The following LANCL3 variants were observed in gnomAD, a reference collection of about 807,000 sequenced individuals.
LANCL3 encodes the protein lanC-like protein 3.
LANCL3 carries 19 observed loss-of-function variants against 26.5 expected under a neutral mutation model. The observed-to-expected ratio is 0.72, with a 90% CI of 0.50 to 1.05. The LOEUF (loss-of-function observed/expected upper bound fraction) is 1.05, where lower values mean the gene tolerates loss of function less well. Among genes scored for constraint, LANCL3 ranks in the 50% least tolerant of loss-of-function variants. The pLI, the probability that LANCL3 is intolerant of heterozygous loss-of-function variation, is 0.00. For synonymous variants in LANCL3, 160 were observed against 166.6 expected (o/e 0.96, Z 0.30); for missense variants, 318 against 362.7 (o/e 0.88, Z 1.00).
chrX:37,627,684 G>A (rs1378103034), intron 1 of LANCL3, among the ~76,000 whole-genome samples: 1 of 111,791 alleles, frequency 8.9e-6, no homozygotes, highest in Non-Finnish European at 1.9e-5. Context: ...TACTCAGTGA[G>A]AGAGTGCTAG....
intron 1 of LANCL3, among the ~76,000 whole-genome samples, chrX:37,651,535 T>C (rs782408361): frequency 9.0e-6 from 1 of 111,651 alleles, no homozygotes; most frequent in African/African-American, 3.3e-5. Flanking sequence ...ACTCACATTC[T>C]TTTTATTTGT....
intron 1 of LANCL3, among the ~76,000 whole-genome samples, chrX:37,582,767 G>A (rs1299061103): frequency 8.9e-6 from 1 of 111,881 alleles, no homozygotes; most frequent in South Asian, 3.7e-4. Context: ...TCTGTAGGTT[G>A]CCTGTTCACT....
At chrX:37,661,999 C>T (rs1402491435) in intron 3 of LANCL3, among the ~76,000 whole-genome samples, 1 of 112,090 alleles carries the variant, frequency 8.9e-6, no homozygotes, top group East Asian at 2.8e-4. Context: ...GAAAGGGTGA[C>T]TTTGTTTCTT....
At chrX:37,672,149 G>A (rs1187507613) in intron 4 of LANCL3, among the ~76,000 whole-genome samples, 1 of 111,448 alleles carries the variant, frequency 9.0e-6, no homozygotes, top group East Asian at 2.8e-4. Flanking sequence ...TGGGATTCAA[G>A]TTTAATTTTG....
intron 1 of LANCL3, among the ~76,000 whole-genome samples, chrX:37,596,362 A>T (rs782368017): frequency 8.9e-6 from 1 of 112,009 alleles, no homozygotes; most frequent in African/African-American, 3.2e-5. Context: ...GTTCTACTAA[A>T]ATTGTTGTGT....
chrX:37,636,052 A>G (rs1373244702), intron 1 of LANCL3, among the ~76,000 whole-genome samples: 1 of 108,660 alleles, frequency 9.2e-6, no homozygotes, highest in African/African-American at 3.4e-5. Context: ...AAGTGAGAAT[A>G]TGCAGTATTT....
chrX:37,595,601 T>G, intron 1 of LANCL3, among the ~76,000 whole-genome samples: 1 of 112,396 alleles, frequency 8.9e-6, no homozygotes, highest in Non-Finnish European at 1.9e-5. Context: ...ACTTACGCGT[T>G]TCTGTGCTGA....
chrX:37,625,096 C>T (rs868955787), intron 1 of LANCL3, among the ~76,000 whole-genome samples: 8 of 111,481 alleles, frequency 7.2e-5, no homozygotes, highest in Middle Eastern at 4.2e-3. Flanking sequence ...TTGACTATGG[C>T]AGCTACCATG....
At chrX:37,655,310 C>A (rs1484906610) in intron 1 of LANCL3, among the ~76,000 whole-genome samples, 10 of 111,959 alleles carry the variant, frequency 8.9e-5, no homozygotes, top group African/African-American at 3.2e-4. Flanking sequence ...CTACACTGTA[C>A]ACCAGGAGTA....
At position 37,676,142 on chromosome X, in the gene LANCL3, A is replaced by T. The variant is rs782744382; in HGVS notation, c.*329A>T. 3.1e-4 allele frequency: 42 copies of T among 135,449 alleles called. No homozygotes were observed. Among genetic ancestry groups the T allele is most frequent in the African/African-American group, 1.3e-3 (40 of 31,956 alleles). 11.2% of individuals were successfully genotyped at this position (135,449 alleles called of 1,213,427 possible). On this transcript the variant is annotated 3_prime_UTR_variant, in exon 5 of 5. Transcript: ENST00000378619. Reference sequence around the variant, plus strand: ...ACTGCAAGTGTAGACTATGACAAAAAATACACTAATACCTTTGCAATCTGA... The same window carrying T: ...ACTGCAAGTGTAGACTATGACAAAATATACACTAATACCTTTGCAATCTGA...
At chrX:37,627,214 C>T (rs1329711754) in intron 1 of LANCL3, among the ~76,000 whole-genome samples, 1 of 112,386 alleles carries the variant, frequency 8.9e-6, no homozygotes, top group Non-Finnish European at 1.9e-5. Context: ...TGGAGTTTCT[C>T]TTTATTTCTG....
chrX:37,616,828 T>A (rs1370055171), intron 1 of LANCL3, among the ~76,000 whole-genome samples: 2 of 111,727 alleles, frequency 1.8e-5, no homozygotes, highest in African/African-American at 6.5e-5. Context: ...ATCAGTATCA[T>A]CTAGGGACTT....
chrX:37,630,062 T>C (rs1925445928), intron 1 of LANCL3, among the ~76,000 whole-genome samples: 1 of 112,055 alleles, frequency 8.9e-6, no homozygotes. Context: ...TTTCACGATA[T>C]TGATTCTTCC....
intron 4 of LANCL3, among the ~76,000 whole-genome samples, chrX:37,671,080 A>G (rs1374614580): frequency 9.0e-6 from 1 of 111,338 alleles, no homozygotes; most frequent in African/African-American, 3.3e-5. Context: ...TCTTATAAGT[A>G]TTTTTCTTTT....
At position 37,681,940 on chromosome X, in the gene LANCL3, T is replaced by TTC. The variant is rs1926944423; in HGVS notation, c.*6127_*6128insTC. On this transcript the variant is annotated 3_prime_UTR_variant, in exon 5 of 5. Transcript: ENST00000378619. ...TAGATCTTCAGAAAGTACCAAAATATATACCTTCCTCTTATTCTTTCAGAA... is the reference window on the plus strand; with the variant it reads ...TAGATCTTCAGAAAGTACCAAAATATTCATACCTTCCTCTTATTCTTTCAGAA... The TTC allele has an allele frequency of 9.0e-6, 1 of 111,670 alleles. No individual in the cohort carries two copies. Among genetic ancestry groups the TTC allele is most frequent in the African/African-American group, 3.3e-5 (1 of 30,661 alleles). 9.2% of individuals were successfully genotyped at this position (111,670 alleles called of 1,213,427 possible).
chrX:37,633,250 C>T (rs952141312), intron 1 of LANCL3, among the ~76,000 whole-genome samples: 3 of 110,754 alleles, frequency 2.7e-5, no homozygotes, highest in Non-Finnish European at 3.8e-5. Context: ...TTGATCGCAT[C>T]GGTTCCTGAG....
At chrX:37,646,010 T>C (rs1925975975) in intron 1 of LANCL3, among the ~76,000 whole-genome samples, 1 of 112,581 alleles carries the variant, frequency 8.9e-6, no homozygotes, top group African/African-American at 3.2e-5. Context: ...CTACTTGTCC[T>C]TCAAAGCTCA....
At chrX:37,657,971 T>C (rs1270541471) in intron 2 of LANCL3, among the ~76,000 whole-genome samples, 3 of 112,077 alleles carry the variant, frequency 2.7e-5, no homozygotes, top group Non-Finnish European at 5.6e-5. Context: ...ACATTGACCC[T>C]AGTACTGCCC....
intron 1 of LANCL3, among the ~76,000 whole-genome samples, chrX:37,607,621 A>C (rs1556420687): frequency 8.9e-6 from 1 of 112,752 alleles, no homozygotes; most frequent in East Asian, 2.8e-4. Flanking sequence ...AACATTTGTC[A>C]TCAAAATTGT....
Sources: allele counts gnomAD v4.1 joint callset (sites outside exome capture counted in the v4.1 genomes callset), GRCh38; gene constraint gnomAD v4.1.1; transcripts MANE v1.5; gene names NCBI Gene and HGNC (gene_info 2026-07-23, HGNC 2026-07-21).